The following SUSD5 variants were observed in gnomAD, a reference collection of about 807,000 sequenced individuals.
The protein encoded by SUSD5 is sushi domain containing 5.
SUSD5 carries 33 observed loss-of-function variants against 29.5 expected under a neutral mutation model. That is an observed-to-expected ratio of 1.12 (90% CI 0.85 to 1.49). The LOEUF is 1.49. SUSD5 is among the 40% of genes most tolerant of loss of function. The probability of loss-of-function intolerance (pLI) is 0.00; values close to 1 mark genes in which losing one functional copy is unlikely to be tolerated. For missense variants in SUSD5, 776 were observed against 800.6 expected, an observed-to-expected ratio of 0.97 and a Z score of 0.37; for synonymous variants, 308 against 325.3, an observed-to-expected ratio of 0.95 and a Z score of 0.57.
chr3:33,181,246 T>C (rs2031667299), intron 3 of SUSD5, among the ~76,000 whole-genome samples: 1 of 152,144 alleles, frequency 6.6e-6, no homozygotes, highest in Non-Finnish European at 1.5e-5. Flanking sequence ...AGTAACGTCC[T>C]AGGCCTTCAC....
intron 4 of SUSD5, among the ~76,000 whole-genome samples, chr3:33,166,621 G>A (rs1466974029): frequency 1.3e-5 from 2 of 152,090 alleles, no homozygotes; most frequent in Non-Finnish European, 2.9e-5. Flanking sequence ...TGTCCCCCCT[G>A]CCTTTGTATT....
chr3:33,177,299 T>C (rs963059609), intron 3 of SUSD5, among the ~76,000 whole-genome samples: 2 of 152,214 alleles, frequency 1.3e-5, no homozygotes, highest in Non-Finnish European at 2.9e-5. Context: ...GTGTTCAATC[T>C]ATAGATCAAG....
chr3:33,201,265 A>C (rs748450883), intron 3 of SUSD5, among the ~76,000 whole-genome samples: 12 of 152,220 alleles, frequency 7.9e-5, no homozygotes, highest in Non-Finnish European at 1.8e-4. Flanking sequence ...CCCTAGGCAC[A>C]CATGTATATG....
chr3:33,184,916 T>C (rs2031747743), intron 3 of SUSD5, among the ~76,000 whole-genome samples: 1 of 152,180 alleles, frequency 6.6e-6, no homozygotes, highest in Admixed American at 6.6e-5. Flanking sequence ...CTCTGATGCT[T>C]GTTTTCAGTC....
chr3:33,151,957 C>T lies in SUSD5; in HGVS notation c.*785G>A, dbSNP rs1451950610. 6 of 152,200 alleles carry T rather than the reference C, an allele frequency of 3.9e-5. No homozygotes were observed. Among genetic ancestry groups the T allele is most frequent in the Non-Finnish European group, 8.8e-5 (6 of 68,026 alleles). 9.4% of individuals were successfully genotyped at this position (152,200 alleles called of 1,614,324 possible). On this transcript the variant is annotated 3_prime_UTR_variant, in exon 5 of 5. Coordinates refer to ENST00000309558, the MANE Select transcript of SUSD5 (RefSeq NM_015551.2). Reference sequence around the variant, plus strand: ...CTAGACTGTGTCCTGGCTCTTGGTTCATCTGCCCTCAGCAACATCACAACA... The same window carrying T: ...CTAGACTGTGTCCTGGCTCTTGGTTTATCTGCCCTCAGCAACATCACAACA...
At chr3:33,186,280 T>C (rs147178322) in intron 3 of SUSD5, among the ~76,000 whole-genome samples, 9 of 150,466 alleles carry the variant, frequency 6.0e-5, no homozygotes, top group South Asian at 2.1e-4. Context: ...CCAGCCTGGG[T>C]GACAGAGCAA....
At chr3:33,188,397 C>A (rs1285725892) in intron 3 of SUSD5, among the ~76,000 whole-genome samples, 3 of 152,188 alleles carry the variant, frequency 2.0e-5, no homozygotes, top group Admixed American at 1.3e-4. Context: ...ACTCACTCCA[C>A]AACACACAAC....
intron 3 of SUSD5, among the ~76,000 whole-genome samples, chr3:33,203,786 A>G (rs1418607580): frequency 6.6e-6 from 1 of 152,092 alleles, no homozygotes. Flanking sequence ...CACACCCTCC[A>G]ATTCCAATTG....
rs2030905410 is a variant in SUSD5, at chr3:33,151,871, A to G, written c.*871T>C. ...GTTTCTTCACTCCTCAACTCCCCCAACAAAATGTCAGTCTTAAATTCTAAT... is the reference window on the plus strand; with the variant it reads ...GTTTCTTCACTCCTCAACTCCCCCAGCAAAATGTCAGTCTTAAATTCTAAT... On this transcript the variant is annotated 3_prime_UTR_variant, in exon 5 of 5. Transcript: ENST00000309558. 6.6e-6 allele frequency: 1 copy of G among 152,250 alleles called. No homozygotes were observed. The highest frequency in any genetic ancestry group is 2.4e-5 in the African/African-American group (1 of 41,474). The allele number at this position is 152,250 out of a possible 1,614,324, so 9.4% of individuals were successfully genotyped here.
intron 3 of SUSD5, among the ~76,000 whole-genome samples, chr3:33,198,266 C>T (rs2032033763): frequency 6.6e-6 from 1 of 152,172 alleles, no homozygotes; most frequent in Non-Finnish European, 1.5e-5. Context: ...GTCCTCTTGA[C>T]AAATCTATGT....
In SUSD5 at chr3:33,152,912, G is replaced by A. The variant is rs776001847; in HGVS notation, c.1720C>T (p.Pro574Ser). 1 of 1,613,850 alleles carries A rather than the reference G, an allele frequency of 6.2e-7. No individual in the cohort carries two copies. The highest frequency in any genetic ancestry group is 1.3e-5 in the African/African-American group (1 of 74,918). The change falls in exon 5 of 5, where the codon CCT becomes TCT. Residue 574 changes from proline (P) to serine (S), a missense_variant. Pro to Ser is a moderately conservative substitution (Grantham distance 74). Coordinates refer to ENST00000309558, the MANE Select transcript of SUSD5 (RefSeq NM_015551.2). ...ACGGTGACAATGGTGGCGATCACAG[G>A]GCCTCTGCTGAGGCCAGGACATCCG... is the stretch of plus-strand genomic sequence containing the variant. ...GDGCPGLSRGPVIATIVTVLC... is the reference protein window; with the variant it reads ...GDGCPGLSRGSVIATIVTVLC...
intron 4 of SUSD5, among the ~76,000 whole-genome samples, chr3:33,160,753 T>C (rs1340322526): frequency 6.6e-6 from 1 of 151,934 alleles, no homozygotes; most frequent in African/African-American, 2.4e-5. Flanking sequence ...AAAAATCAGT[T>C]AGAAACTTCA....
chr3:33,183,317 CTAT>C (rs2031711020), intron 3 of SUSD5, among the ~76,000 whole-genome samples: 1 of 152,010 alleles, frequency 6.6e-6, no homozygotes, highest in South Asian at 2.1e-4. Context: ...TTTTTGTCTT[CTAT>C]GTTTTTTAAG....
chr3:33,200,166 G>A (rs750786604), intron 3 of SUSD5, among the ~76,000 whole-genome samples: 5 of 152,244 alleles, frequency 3.3e-5, no homozygotes, highest in East Asian at 3.9e-4. Flanking sequence ...GCCTCACCCC[G>A]TCTACCATGT....
intron 1 of SUSD5, 72 bp from the exon 2 acceptor site, chr3:33,214,177 T>C: frequency 2.1e-6 from 3 of 1,450,962 alleles, no homozygotes; most frequent in Non-Finnish European, 1.8e-6. Flanking sequence ...AAACATCCTC[T>C]GGCAGACGCC....
At chr3:33,213,106 A>G (rs2032351593) in intron 2 of SUSD5, among the ~76,000 whole-genome samples, 1 of 152,158 alleles carries the variant, frequency 6.6e-6, no homozygotes. Flanking sequence ...TATTCTTTTT[A>G]TTACTTAAAA....
chr3:33,179,265 T>A (rs2031620788), intron 3 of SUSD5, among the ~76,000 whole-genome samples: 1 of 152,168 alleles, frequency 6.6e-6, no homozygotes, highest in South Asian at 2.1e-4. Flanking sequence ...TGTCCCCTCT[T>A]TTTTTTAAAA....
intron 3 of SUSD5, among the ~76,000 whole-genome samples, chr3:33,180,348 A>G (rs2031642240): frequency 6.7e-6 from 1 of 149,728 alleles, no homozygotes; most frequent in South Asian, 2.2e-4. Context: ...TTTTAACAAT[A>G]AAGTTTAAAA....
intron 2 of SUSD5, among the ~76,000 whole-genome samples, chr3:33,209,263 T>A (rs2032278200): frequency 2.0e-5 from 3 of 152,220 alleles, no homozygotes; most frequent in African/African-American, 7.2e-5. Context: ...TGCCTAGCTG[T>A]GAATTTCTTT....
Sources: gnomAD v4.1 joint callset for allele counts (sites outside exome capture counted in the v4.1 genomes callset) on GRCh38, gnomAD v4.1.1 for gene constraint, MANE v1.5 for transcripts, NCBI Gene and HGNC (gene_info 2026-07-23, HGNC 2026-07-21) for gene names.